Variants in SORCS3 observed in about 807,000 individuals in gnomAD.
SORCS3 encodes the protein sortilin related VPS10 domain containing receptor 3.
SORCS3 carries 57 observed loss-of-function variants against 146.3 expected under a neutral mutation model. The observed-to-expected ratio is 0.39, with a 90% CI of 0.31 to 0.49. The LOEUF (loss-of-function observed/expected upper bound fraction) is 0.49, where lower values mean the gene tolerates loss of function less well. Ranked by LOEUF, SORCS3 falls within the 20% of genes least tolerant of loss-of-function variation. SORCS3 has a pLI of 0.92. For synonymous variants in SORCS3, 653 were observed against 618.5 expected, an observed-to-expected ratio of 1.06 and a Z score of -0.83; for missense variants, 1,341 against 1,575.5, an observed-to-expected ratio of 0.85 and a Z score of 2.52.
At chr10:105,155,769 G>A (rs899279882) in intron 9 of SORCS3, among the ~76,000 whole-genome samples, 7 of 152,124 alleles carry the variant, frequency 4.6e-5, no homozygotes, top group African/African-American at 1.7e-4. Context: ...TGGTTTCTCT[G>A]CTTACCTACC....
At chr10:104,650,621 C>G (rs1295392528) in intron 1 of SORCS3, among the ~76,000 whole-genome samples, 1 of 152,240 alleles carries the variant, frequency 6.6e-6, no homozygotes, top group Non-Finnish European at 1.5e-5. Context: ...TCTGTATTTC[C>G]TTCCTTTTTG....
At chr10:104,802,227 T>A (rs1397204964) in intron 1 of SORCS3, among the ~76,000 whole-genome samples, 1 of 152,056 alleles carries the variant, frequency 6.6e-6, no homozygotes, top group Admixed American at 6.6e-5. Flanking sequence ...GACTGTCAGG[T>A]GATAGGAAGG....
At chr10:104,988,982 C>G (rs899872388) in intron 4 of SORCS3, among the ~76,000 whole-genome samples, 2 of 152,168 alleles carry the variant, frequency 1.3e-5, no homozygotes, top group African/African-American at 4.8e-5. Flanking sequence ...AACTCATTAG[C>G]AAAGAAGCAC....
chr10:104,808,338 G>A (rs779667511), intron 1 of SORCS3, among the ~76,000 whole-genome samples: 1 of 152,176 alleles, frequency 6.6e-6, no homozygotes, highest in Non-Finnish European at 1.5e-5. Flanking sequence ...GCTTCAAATA[G>A]TAAACAAGAA....
intron 1 of SORCS3, among the ~76,000 whole-genome samples, chr10:104,719,993 T>C (rs1054093845): frequency 5.3e-5 from 8 of 151,738 alleles, no homozygotes; most frequent in Admixed American, 3.9e-4. Context: ...TTTTTTTTTA[T>C]ACTTTAAGTT....
intron 4 of SORCS3, among the ~76,000 whole-genome samples, chr10:104,992,598 T>A (rs1404230069): frequency 6.6e-6 from 1 of 152,194 alleles, no homozygotes; most frequent in African/African-American, 2.4e-5. Context: ...ACATGAAGCC[T>A]TTTAACGTGG....
intron 4 of SORCS3, among the ~76,000 whole-genome samples, chr10:105,026,119 C>G (rs556631572): frequency 6.6e-6 from 1 of 152,262 alleles, no homozygotes; most frequent in South Asian, 2.1e-4. Context: ...ATGGGGCCCA[C>G]AGTCTCAGAG....
intron 20 of SORCS3, among the ~76,000 whole-genome samples, chr10:105,230,953 T>C (rs1037223903): frequency 6.6e-6 from 1 of 152,166 alleles, no homozygotes; most frequent in African/African-American, 2.4e-5. Flanking sequence ...GGGCCCACAA[T>C]GGTCAAGAGG....
In SORCS3 at chr10:104,808,560, CAT is replaced by C. The variant is rs756213286; in HGVS notation, c.628-34231_628-34230del. Among the ~76,000 whole-genome samples, 119 of 152,136 alleles carry C rather than the reference CAT, an allele frequency of 7.8e-4. No homozygotes were observed. The Middle Eastern group carries it at 0.01, about 13-fold the overall frequency. ...AAGGACATTCAGATGGAGGGAAAAA[CAT>C]GTGTGAAGGCCTGGAATCAAAAAAG... On this transcript the variant is annotated intron_variant, in intron 1 of 26. Transcript: ENST00000369701.
intron 1 of SORCS3, among the ~76,000 whole-genome samples, chr10:104,742,495 G>A (rs2016860041): frequency 6.6e-6 from 1 of 152,108 alleles, no homozygotes; most frequent in South Asian, 2.1e-4. Context: ...GGTAGAGGAG[G>A]ATACCAGTAG....
At chr10:105,072,410 C>T (rs1045665831) in intron 5 of SORCS3, among the ~76,000 whole-genome samples, 17 of 152,132 alleles carry the variant, frequency 1.1e-4, no homozygotes, top group African/African-American at 4.1e-4. Context: ...TCCTGAGTGT[C>T]TAGTTCATTT....
chr10:105,227,612 A>T (rs999925614), intron 20 of SORCS3, among the ~76,000 whole-genome samples: 1 of 152,024 alleles, frequency 6.6e-6, no homozygotes, highest in East Asian at 1.9e-4. Flanking sequence ...TTCCGTCTAG[A>T]TGATCTGTCT....
At chr10:105,242,294 ATAT>A (rs1356766465) in intron 20 of SORCS3, among the ~76,000 whole-genome samples, 14 of 135,488 alleles carry the variant, frequency 1.0e-4, no homozygotes, top group Non-Finnish European at 1.5e-5. Flanking sequence ...GTTTATATAT[ATAT>A]TTATACATAT....
rs548013728 is a variant in SORCS3, at chr10:105,172,774, A to G, written c.1902-5292A>G. 2.4e-4 allele frequency among the ~76,000 whole-genome samples: 36 copies of G among 152,252 alleles called. No individual in the cohort carries two copies. The South Asian group carries it at 6.0e-3, about 25-fold the overall frequency. ...ATAGTATTTAGGATTGGGTAGAAGG[A>G]TGATTTCTTTTCTTATGCTTGTAAT... On this transcript the variant is annotated intron_variant, in intron 13 of 26. Coordinates refer to ENST00000369701, the MANE Select transcript of SORCS3 (RefSeq NM_014978.3).
intron 1 of SORCS3, among the ~76,000 whole-genome samples, chr10:104,707,630 T>C (rs1489639903): frequency 2.0e-5 from 3 of 152,068 alleles, no homozygotes; most frequent in African/African-American, 7.2e-5. Context: ...TCAAGGAAAA[T>C]ATATAAATGA....
At chr10:105,195,760 G>T (rs778586813) in intron 14 of SORCS3, among the ~76,000 whole-genome samples, 1 of 152,156 alleles carries the variant, frequency 6.6e-6, no homozygotes, top group Non-Finnish European at 1.5e-5. Context: ...ATACATTAAC[G>T]TCTGAAAGTT....
At chr10:105,229,347 A>G (rs955227764) in intron 20 of SORCS3, among the ~76,000 whole-genome samples, 44 of 151,768 alleles carry the variant, frequency 2.9e-4, no homozygotes, top group African/African-American at 1.1e-3. Flanking sequence ...TGGATTTTAT[A>G]ATTGTTTTGT....
At chr10:105,085,798 C>A (rs1014835217) in intron 5 of SORCS3, among the ~76,000 whole-genome samples, 3 of 152,142 alleles carry the variant, frequency 2.0e-5, no homozygotes. Flanking sequence ...GAACCTCTGA[C>A]TCTCTGATTC....
intron 14 of SORCS3, among the ~76,000 whole-genome samples, chr10:105,185,248 A>C (rs561700902): frequency 1.3e-5 from 2 of 152,172 alleles, no homozygotes; most frequent in South Asian, 4.1e-4. Context: ...TCATTTCCTT[A>C]TATTGAATTC....
Sources: allele counts gnomAD v4.1 joint callset (sites outside exome capture counted in the v4.1 genomes callset), GRCh38; gene constraint gnomAD v4.1.1; transcripts MANE v1.5; gene names NCBI Gene and HGNC (gene_info 2026-07-23, HGNC 2026-07-21).